The following URB1 variants were observed in gnomAD, a reference collection of about 807,000 sequenced individuals.
The protein encoded by URB1 is nucleolar pre-ribosomal-associated protein 1.
In URB1, 197 loss-of-function variants were observed where a neutral mutation model predicts 242.3. The observed-to-expected ratio is 0.81, with a 90% confidence interval of 0.72 to 0.91. The LOEUF is 0.91. Among genes scored for constraint, URB1 ranks in the 40% least tolerant of loss-of-function variants. The pLI is 0.00. For missense variants in URB1, 2,721 were observed against 2,860.5 expected (o/e 0.95, Z 1.11); for synonymous variants, 1,153 against 1,201.8 (o/e 0.96, Z 0.84).
chr21:32,317,417 C>A (rs771750701), intron 37 of URB1, among the ~76,000 whole-genome samples: 2 of 152,092 alleles, frequency 1.3e-5, no homozygotes, highest in Non-Finnish European at 2.9e-5. Context: ...TCATAGCTAC[C>A]CCCAGCCTCT....
At chr21:32,340,807 G>C (rs2033020920) in intron 25 of URB1, among the ~76,000 whole-genome samples, 1 of 152,024 alleles carries the variant, frequency 6.6e-6, no homozygotes, top group Admixed American at 6.6e-5. Context: ...GAGGGAGAGA[G>C]AGATGTGATG....
At chr21:32,364,520 C>T (rs769156693) in intron 10 of URB1, among the ~76,000 whole-genome samples, 1 of 152,208 alleles carries the variant, frequency 6.6e-6, no homozygotes, top group African/African-American at 2.4e-5. Flanking sequence ...CAGTCAGCTG[C>T]GGCTTCACTC....
At chr21:32,355,348 A>G in intron 16 of URB1, 101 bp downstream of exon 16, 3 of 1,034,694 alleles carry the variant, frequency 2.9e-6, no homozygotes, top group Non-Finnish European at 2.9e-6. Context: ...CCAGGACGAG[A>G]AGCCTTTTGG....
At chr21:32,366,517 C>T (rs1366094060) in intron 10 of URB1, 101 bp downstream of exon 10, 3 of 1,486,034 alleles carry the variant, frequency 2.0e-6, no homozygotes, top group Admixed American at 2.2e-5. Context: ...TGACAAAACA[C>T]AATCAAACAC....
chr21:32,340,217 T>C (rs2833776), intron 25 of URB1, among the ~76,000 whole-genome samples: 119,132 of 152,082 alleles, frequency 0.78, 47,367 homozygotes, highest in Non-Finnish European at 0.86. Flanking sequence ...ATGAAAATAA[T>C]GCATGACTAT....
intron 5 of URB1, among the ~76,000 whole-genome samples, chr21:32,376,368 C>G (rs1467627877): frequency 6.6e-6 from 1 of 152,132 alleles, no homozygotes; most frequent in Non-Finnish European, 1.5e-5. Flanking sequence ...TTTCCTTGCT[C>G]CACACATGCT....
In URB1 at chr21:32,317,058, G is replaced by A. The variant is rs1408888420; in HGVS notation, c.6042C>T (p.Leu2014=). 5 of 1,531,752 alleles carry A rather than the reference G, an allele frequency of 3.3e-6. No homozygotes were observed. The highest frequency in any genetic ancestry group is 4.4e-6 in the Non-Finnish European group (5 of 1,139,394). 94.9% of individuals were successfully genotyped at this position (1,531,752 alleles called of 1,614,324 possible). A position where few individuals can be genotyped will look rare whatever the true frequency, so the allele number is the denominator to read the frequency against. Residue 2014 remains leucine, a synonymous_variant, in exon 38 of 39, where the codon CTC becomes CTT. Coordinates refer to ENST00000382751, the MANE Select transcript of URB1 (RefSeq NM_014825.3). ...GCATGACAGGCTTGTTCTTATCCTTGAGCATTTCTGTTAAATGCACAAAGA... is the reference window on the plus strand; with the variant it reads ...GCATGACAGGCTTGTTCTTATCCTTAAGCATTTCTGTTAAATGCACAAAGA... ...KAQARELMKM[L]KDKNKPVMPA... is the part of the protein sequence containing the mutation.
intron 21 of URB1, among the ~76,000 whole-genome samples, chr21:32,348,012 T>C (rs2033113712): frequency 6.6e-6 from 1 of 152,174 alleles, no homozygotes; most frequent in Non-Finnish European, 1.5e-5. Context: ...GCCAGAGCTG[T>C]CATCCAGTTA....
At chr21:32,334,015 T>G in intron 29 of URB1, 148 bp downstream of exon 29, 1 of 1,026,940 alleles carries the variant, frequency 9.7e-7, no homozygotes. Flanking sequence ...GGTGGGCTTA[T>G]GAGGGTCTGG....
chr21:32,357,772 A>C (rs1601143575), intron 14 of URB1, 116 bp from the exon 15 acceptor site: 1 of 861,618 alleles, frequency 1.2e-6, no homozygotes, highest in Admixed American at 4.6e-5. Context: ...TTACACCTGT[A>C]ATCTCAGCAC....
Position 32,316,471 on chromosome 21 carries a change from G to C in URB1, c.6629C>G (p.Thr2210Arg). 2 of 1,516,604 alleles carry C rather than the reference G, an allele frequency of 1.3e-6. No homozygotes were observed. The highest frequency in any genetic ancestry group is 2.6e-5 in the South Asian group (2 of 77,968). 93.9% of individuals were successfully genotyped at this position (1,516,604 alleles called of 1,614,324 possible). Residue 2210 changes from threonine (T) to arginine (R), a missense_variant, in exon 38 of 39, where the codon ACA (threonine) becomes AGA (arginine). Transcript: ENST00000382751. ...AACAAAAGAACCAGCCTTACCTTGT[G>C]TGGCTTCATCCTTCTCACTCAGAGA... Reference protein sequence around the residue: ...LSSLSEKDEATQASAAFLVSL... With the variant: ...LSSLSEKDEARQASAAFLVSL...
chr21:32,336,523 C>CT (rs755212492), intron 28 of URB1, among the ~76,000 whole-genome samples: 5 of 152,178 alleles, frequency 3.3e-5, no homozygotes, highest in Non-Finnish European at 5.9e-5. Context: ...AGGTGCGGCA[C>CT]TTGTAAAGGT....
chr21:32,358,160 G>T (rs1482558672), intron 14 of URB1, among the ~76,000 whole-genome samples: 1 of 152,306 alleles, frequency 6.6e-6, no homozygotes. Context: ...AGCACAGGTA[G>T]CCCTGTTCCT....
chr21:32,347,467 C>CT lies in URB1; in HGVS notation c.3356dup (p.Leu1120AlafsTer3). On this transcript the variant is annotated frameshift_variant, in exon 22 of 39. Transcript: ENST00000382751. LOFTEE classifies it high-confidence loss of function. ...GCAAGGCCAGGGTGACCTCACGGAGCTGGGCACCCTCCATGTATGGATGCA... is the reference window on the plus strand; with the variant it reads ...GCAAGGCCAGGGTGACCTCACGGAGCTTGGGCACCCTCCATGTATGGATGCA... 1 of 1,550,602 alleles carries CT rather than the reference C, an allele frequency of 6.4e-7. No individual in the cohort carries two copies. Among genetic ancestry groups the CT allele is most frequent in the East Asian group, 2.4e-5 (1 of 40,904 alleles).
At position 32,363,228 on chromosome 21, in the gene URB1, C is replaced by A. The variant is rs971848800; in HGVS notation, c.1437G>T (p.Trp479Cys). 3.2e-6 allele frequency: 5 copies of A among 1,552,014 alleles called. No homozygotes were observed. The highest frequency in any genetic ancestry group is 4.4e-6 in the Non-Finnish European group (5 of 1,147,094). The change falls in exon 11 of 39, where the codon TGG (tryptophan) becomes TGT (cysteine). Residue 479 changes from tryptophan to cysteine, a missense_variant. Trp to Cys is a radical substitution (Grantham distance 215). Transcript: ENST00000382751. ...CAGCTGTGTACACGCCTGATTCCTG[C>A]CACACCTCTTTATTCAGGCAGTGGT... Reference protein sequence around the residue: ...TVDHCLNKEVWQESGVYTAVM... With the variant: ...TVDHCLNKEVCQESGVYTAVM...
chr21:32,383,063 T>C (rs1226726728), intron 4 of URB1, among the ~76,000 whole-genome samples: 1 of 152,236 alleles, frequency 6.6e-6, no homozygotes, highest in Non-Finnish European at 1.5e-5. Context: ...AACAGAGGAC[T>C]GGCACACACT....
Position 32,317,545 on chromosome 21 carries a change from A to G in URB1, c.6034+131T>C, listed in dbSNP as rs2032706789. 2.9e-6 allele frequency: 4 copies of G among 1,369,416 alleles called. No individual in the cohort carries two copies. The South Asian group carries it at 6.0e-5, about 20-fold the overall frequency. The allele number at this position is 1,369,416 out of a possible 1,614,324, so 84.8% of individuals were successfully genotyped here. A position where few individuals can be genotyped will look rare whatever the true frequency, so the allele number is the denominator to read the frequency against. ...CCAGCTCCCCATCCAGGGCTCCAAG[A>G]TGGATGTGTCCCATCTCTGAGCCTC... On this transcript the variant is annotated intron_variant, in intron 37 of 38. Transcript: ENST00000382751.
chr21:32,314,529 C>T lies in URB1; in HGVS notation c.*389G>A, dbSNP rs746644407. The stretch of plus-strand genomic sequence containing the variant: ...CTCTCTTCGTTTTCATAAAAAAAAT[C>T]TGATACCTTTTGACATTTCAGCTTT... On this transcript the variant is annotated 3_prime_UTR_variant, in exon 39 of 39. Transcript: ENST00000382751. 8.7e-6 allele frequency: 14 copies of T among 1,604,150 alleles called. No homozygotes were observed. Among genetic ancestry groups the T allele is most frequent in the Admixed American group, 1.7e-5 (1 of 60,004 alleles).
At chr21:32,318,060 T>G in intron 36 of URB1, 143 bp from the exon 37 acceptor site, 1 of 1,121,056 alleles carries the variant, frequency 8.9e-7, no homozygotes, top group African/African-American at 1.6e-5. Context: ...AGCAGACATC[T>G]AGCATGGGCC....
Sources: gnomAD v4.1 joint callset for allele counts (sites outside exome capture counted in the v4.1 genomes callset) on GRCh38, gnomAD v4.1.1 for gene constraint, MANE v1.5 for transcripts, NCBI Gene and HGNC (gene_info 2026-07-23, HGNC 2026-07-21) for gene names.